Variants in DNAAF1 observed in about 807,000 individuals in gnomAD.
DNAAF1 encodes the protein dynein axonemal assembly factor 1, also known as dynein assembly factor 1, axonemal.
In DNAAF1, 65 loss-of-function variants were observed where a neutral mutation model predicts 71.1. The observed-to-expected ratio is 0.91, with a 90% CI of 0.75 to 1.12. The LOEUF is 1.12. DNAAF1 is among the 50% of genes most tolerant of loss of function. The pLI, the probability that DNAAF1 is intolerant of heterozygous loss-of-function variation, is 0.00. For synonymous variants in DNAAF1, 414 were observed against 354.6 expected, an observed-to-expected ratio of 1.17 and a Z score of -1.88; for missense variants, 1,178 against 899.8, an observed-to-expected ratio of 1.31 and a Z score of -3.96.
In DNAAF1 at chr16:84,176,950, A is replaced by G. The variant is rs115191896; in HGVS notation, c.2065+651A>G. On this transcript the variant is annotated intron_variant, in intron 11 of 11. Coordinates refer to ENST00000378553, the MANE Select transcript of DNAAF1 (RefSeq NM_178452.6). ...CCTGGCAGATGCGGTTTTGGGGAGCAGCCGGTTAGTGCTGAGAACAAGCAA... is the reference window on the plus strand; with the variant it reads ...CCTGGCAGATGCGGTTTTGGGGAGCGGCCGGTTAGTGCTGAGAACAAGCAA... 3.0e-3 allele frequency: 512 copies of G among 167,934 alleles called. 5 individuals are homozygous for G. The highest frequency in any genetic ancestry group is 0.012 in the African/African-American group (494 of 41,862). The allele number at this position is 167,934 out of a possible 1,614,324, so 10.4% of individuals were successfully genotyped here. A position where few individuals can be genotyped will look rare whatever the true frequency, so the allele number is the denominator to read the frequency against.
At position 84,150,326 on chromosome 16, in the gene DNAAF1, G is replaced by A. The variant is rs779266990; in HGVS notation, c.336G>A (p.Leu112=). ...TTACCCCAGCATTGAATGATACGCT[G>A]TATTTACACTTTAAAGGTAAGGACC... ...LYITPALNDT[L]YLHFKGFDRI... The change falls in exon 3 of 12, where the codon CTG becomes CTA. Residue 112 remains leucine, a synonymous_variant. Coordinates refer to ENST00000378553, the MANE Select transcript of DNAAF1 (RefSeq NM_178452.6). 21 of 1,612,662 alleles carry A rather than the reference G, an allele frequency of 1.3e-5. No homozygotes were observed. In the Admixed American group the frequency reaches 3.3e-4, roughly 26 times the overall value.
intron 11 of DNAAF1, 124 bp downstream of exon 11, chr16:84,176,423 C>G (rs753050404): frequency 7.4e-5 from 102 of 1,378,414 alleles, no homozygotes; most frequent in Non-Finnish European, 9.2e-5. Context: ...TCACCCAGGA[C>G]AGACCACACA....
At chr16:84,176,716 G>A (rs1183042078) in intron 11 of DNAAF1, 2 of 295,310 alleles carry the variant, frequency 6.8e-6, no homozygotes, top group Non-Finnish European at 1.3e-5. Context: ...GGGCAAGCGA[G>A]GTGACAGCCA....
At chr16:84,156,980 G>A (rs908557586) in intron 5 of DNAAF1, among the ~76,000 whole-genome samples, 3 of 150,854 alleles carry the variant, frequency 2.0e-5, no homozygotes, top group East Asian at 2.0e-4. Context: ...AGCCTCACAA[G>A]TAGCTGGGAG....
Position 84,145,440 on chromosome 16 carries a change from C to T in DNAAF1, c.-1C>T, listed in dbSNP as rs750920760. ...GGGCGTTCGGTGTCGCCGAAGTAAA[C>T]ATGCACCCTGAGCCCTCGGAGCCTG... On this transcript the variant is annotated 5_prime_UTR_variant, in exon 1 of 12. Transcript: ENST00000378553. The T allele has an allele frequency of 2.0e-5, 31 of 1,581,032 alleles. No homozygotes were observed. Among genetic ancestry groups the T allele is most frequent in the Non-Finnish European group, 2.4e-5 (28 of 1,164,078 alleles).
chr16:84,168,092 C>G (rs566783818), intron 7 of DNAAF1, among the ~76,000 whole-genome samples: 1 of 152,116 alleles, frequency 6.6e-6, no homozygotes, highest in Non-Finnish European at 1.5e-5. Flanking sequence ...ATGGGTTTCA[C>G]TGAGCTAAAA....
In DNAAF1 at chr16:84,155,582, G is replaced by C. The variant is rs1304533019; in HGVS notation, c.575-1G>C. The C allele has an allele frequency of 1.2e-6, 2 of 1,613,934 alleles. No homozygotes were observed. The highest frequency in any genetic ancestry group is 1.1e-5 in the South Asian group (1 of 91,078). On this transcript the variant is annotated splice_acceptor_variant, in intron 4 of 11. Transcript: ENST00000378553. LOFTEE classifies it high-confidence loss of function. ...TGACTTCTGCTGACCTTACCTTCCA[G>C]CCTGCCTCCCAGTCCTGAACACATT...
intron 10 of DNAAF1, among the ~76,000 whole-genome samples, chr16:84,175,019 C>A (rs1238461276): frequency 6.6e-6 from 1 of 152,094 alleles, no homozygotes; most frequent in Non-Finnish European, 1.5e-5. Flanking sequence ...CCACGCCCAG[C>A]TAATTTTTGT....
At chr16:84,169,327 C>T (rs2088198321) in intron 7 of DNAAF1, among the ~76,000 whole-genome samples, 1 of 151,744 alleles carries the variant, frequency 6.6e-6, no homozygotes, top group Non-Finnish European at 1.5e-5. Flanking sequence ...GTCAAATGAT[C>T]CACCTGCCTG....
intron 7 of DNAAF1, among the ~76,000 whole-genome samples, chr16:84,167,529 T>C (rs2088085260): frequency 6.6e-6 from 1 of 152,122 alleles, no homozygotes; most frequent in African/African-American, 2.4e-5. Flanking sequence ...GAACAAAAGA[T>C]GTGCCTGTCA....
intron 9 of DNAAF1, chr16:84,172,597 A>G: frequency 1.5e-6 from 2 of 1,369,680 alleles, no homozygotes; most frequent in Non-Finnish European, 1.9e-6. Context: ...TGATTCGTGC[A>G]CATGCATGCT....
At chr16:84,171,508 G>A (rs1181352674) in intron 8 of DNAAF1, among the ~76,000 whole-genome samples, 1 of 152,140 alleles carries the variant, frequency 6.6e-6, no homozygotes, top group East Asian at 1.9e-4. Context: ...TGAGGAAGGG[G>A]CTCCTCGCGA....
At chr16:84,158,433 C>A (rs1321948564) in intron 5 of DNAAF1, among the ~76,000 whole-genome samples, 1 of 152,096 alleles carries the variant, frequency 6.6e-6, no homozygotes, top group Non-Finnish European at 1.5e-5. Flanking sequence ...TTACGGCCCA[C>A]CCTAATGGGC....
In DNAAF1 at chr16:84,154,894, G is replaced by GT; in HGVS notation, c.574+97dup. On this transcript the variant is annotated intron_variant, in intron 4 of 11. Transcript: ENST00000378553. ...GCTTTTATATTATGGGCAAGAAGTG[G>GT]TGTTTTTTTTTGTCTTTTTTTTGTT... 10 of 1,115,124 alleles carry GT rather than the reference G, an allele frequency of 9.0e-6. No individual in the cohort carries two copies. In the South Asian group the frequency reaches 1.1e-4, roughly 12 times the overall value. 69.1% of individuals were successfully genotyped at this position (1,115,124 alleles called of 1,614,324 possible). A position where few individuals can be genotyped will look rare whatever the true frequency, so the allele number is the denominator to read the frequency against.
At chr16:84,162,132 T>A (rs987134857) in intron 6 of DNAAF1, 5 of 152,252 alleles carry the variant, frequency 3.3e-5, no homozygotes, top group Admixed American at 6.5e-5. Flanking sequence ...TCTGCTATAG[T>A]ATACTTTGCA....
At position 84,176,343 on chromosome 16, in the gene DNAAF1, C is replaced by T. The variant is rs1020859447; in HGVS notation, c.2065+44C>T. On this transcript the variant is annotated intron_variant, in intron 11 of 11. Coordinates refer to ENST00000378553, the MANE Select transcript of DNAAF1 (RefSeq NM_178452.6). ...GAGCACAGTGGAGACAATGTTGGCT[C>T]CCCGGCCTGGGATGGGTGGGGCAGG... 7 of 1,611,530 alleles carry T rather than the reference C, an allele frequency of 4.3e-6. No homozygotes were observed. In the Admixed American group the frequency reaches 1.2e-4, roughly 27 times the overall value.
chr16:84,177,433 A>G (rs1428334736), intron 11 of DNAAF1: 5 of 376,880 alleles, frequency 1.3e-5, no homozygotes, highest in Admixed American at 7.4e-5. Context: ...CCGTCAAGGG[A>G]TTTTCCTGCC....
intron 6 of DNAAF1, among the ~76,000 whole-genome samples, chr16:84,161,446 T>C (rs1033134131): frequency 1.3e-5 from 2 of 152,144 alleles, no homozygotes; most frequent in African/African-American, 4.8e-5. Flanking sequence ...AGTGCAGTGG[T>C]GCAATCACTG....
At chr16:84,152,092 G>C (rs2087212562) in intron 3 of DNAAF1, among the ~76,000 whole-genome samples, 1 of 152,230 alleles carries the variant, frequency 6.6e-6, no homozygotes, top group South Asian at 2.1e-4. Flanking sequence ...AATGGTCAAG[G>C]GCTAAGAGGA....
Sources: gnomAD v4.1 joint callset for allele counts (sites outside exome capture counted in the v4.1 genomes callset) on GRCh38, gnomAD v4.1.1 for gene constraint, MANE v1.5 for transcripts, NCBI Gene and HGNC (gene_info 2026-07-23, HGNC 2026-07-21) for gene names.